Variants in IDH3A observed in about 807,000 individuals in gnomAD.
IDH3A encodes the protein isocitrate dehydrogenase (NAD(+)) 3 catalytic subunit alpha.
A neutral mutation model predicts 43.3 loss-of-function variants in IDH3A; 23 were observed. The ratio of observed to expected loss-of-function variants is 0.53; its 90% CI spans 0.38 to 0.75. The LOEUF (loss-of-function observed/expected upper bound fraction) is 0.75. IDH3A is among the 30% of genes least tolerant of loss of function. The pLI is 0.00. For missense variants in IDH3A, 329 were observed against 474.4 expected (o/e 0.69, Z 2.85); for synonymous variants, 154 against 163.5 (o/e 0.94, Z 0.44).
intron 2 of IDH3A, chr15:78,157,203 G>T (rs1447050712): frequency 1.2e-5 from 13 of 1,107,024 alleles, no homozygotes; most frequent in Non-Finnish European, 1.5e-5. Flanking sequence ...GTTGTCTTTG[G>T]TTTAAAAGAT....
intron 2 of IDH3A, among the ~76,000 whole-genome samples, chr15:78,155,990 A>G (rs1326779729): frequency 6.6e-6 from 1 of 152,198 alleles, no homozygotes; most frequent in East Asian, 1.9e-4. Flanking sequence ...TTATAAGACC[A>G]TAGTACATTT....
In IDH3A at chr15:78,161,388, G is replaced by A. The variant is rs1354551671; in HGVS notation, c.290-193G>A. Among the ~76,000 whole-genome samples the A allele has an allele frequency of 6.6e-6, 1 of 152,204 alleles. No individual in the cohort carries two copies. The highest frequency in any genetic ancestry group is 1.5e-5 in the Non-Finnish European group (1 of 68,030). ...GATTACAATGCTTGATCCTCAGGAA[G>A]TTCTGAAGATAAGAAACGCAGTTAA... On this transcript the variant is annotated intron_variant, in intron 4 of 10. Transcript: ENST00000299518. The surrounding 1 kb of genome is among the most constrained non-coding windows in gnomAD (Gnocchi z 4.8).
Position 78,164,939 on chromosome 15 carries a change from G to A in IDH3A, c.780-53G>A, listed in dbSNP as rs975242316. The A allele has an allele frequency of 1.1e-5, 15 of 1,364,288 alleles. No individual in the cohort carries two copies. In the African/African-American group the frequency reaches 1.6e-4, roughly 14 times the overall value. The allele number at this position is 1,364,288 out of a possible 1,614,324, so 84.5% of individuals were successfully genotyped here. On this transcript the variant is annotated intron_variant, in intron 8 of 10. Transcript: ENST00000299518. ...ATTAAAAACTAAAATCTGGGTGCTA[G>A]GTGAGATGTTTTATTTTTAAAAACA... is the stretch of plus-strand genomic sequence containing the variant.
In IDH3A at chr15:78,171,543, G is replaced by A. The variant is rs373292255; in HGVS notation, c.*2538G>A. On this transcript the variant is annotated 3_prime_UTR_variant, in exon 11 of 11. Transcript: ENST00000299518. ...TCATCGTGGGACCTAAAAGGGAAAT[G>A]AGAAGAAATGAGTGAGGCCCAGGCT... The A allele has an allele frequency of 6.2e-7, 1 of 1,608,388 alleles. No individual in the cohort carries two copies. Among genetic ancestry groups the A allele is most frequent in the Non-Finnish European group, 8.5e-7 (1 of 1,174,790 alleles).
At chr15:78,157,490 T>A (rs1014434259) in intron 2 of IDH3A, 58 bp from the exon 3 acceptor site, 2 of 1,181,056 alleles carry the variant, frequency 1.7e-6, no homozygotes, top group Admixed American at 4.1e-5. Context: ...AATATTCTTT[T>A]TTAAGCCTTC....
At position 78,161,719 on chromosome 15, in the gene IDH3A, T is replaced by G; in HGVS notation, c.428T>G (p.Val143Gly). The G allele has an allele frequency of 6.2e-7, 1 of 1,614,186 alleles. No homozygotes were observed. The change falls in exon 5 of 11, where the codon GTG becomes GGG. Residue 143 changes from valine (V) to glycine (G), a missense_variant. Val to Gly is a moderately radical substitution (Grantham distance 109). Coordinates refer to ENST00000299518, the MANE Select transcript of IDH3A (RefSeq NM_005530.3). This position sits in a 1 kb window ranked among gnomAD's most constrained non-coding sequence, Gnocchi z 4.8. Reference sequence around the variant, plus strand: ...ACCCCTTACACCGATGTAAATATTGTGACCATTCGAGAGAACACAGAAGGA... The same window carrying G: ...ACCCCTTACACCGATGTAAATATTGGGACCATTCGAGAGAACACAGAAGGA... ...YKTPYTDVNI[V>G]TIRENTEGEY...
chr15:78,171,139 T>C lies in IDH3A; in HGVS notation c.*2134T>C. 1 of 220,910 alleles carries C rather than the reference T, an allele frequency of 4.5e-6. No individual in the cohort carries two copies. The allele number at this position is 220,910 out of a possible 1,614,324, so 13.7% of individuals were successfully genotyped here. Reference sequence around the variant, plus strand: ...TATGTGAGCTAGCAGCTTTTTAATCTACCTGGAACTAAGGCCAAAAATTAT... The same window carrying C: ...TATGTGAGCTAGCAGCTTTTTAATCCACCTGGAACTAAGGCCAAAAATTAT... On this transcript the variant is annotated 3_prime_UTR_variant, in exon 11 of 11. Coordinates refer to ENST00000299518, the MANE Select transcript of IDH3A (RefSeq NM_005530.3).
At chr15:78,160,653 C>T (rs989771595) in intron 4 of IDH3A, among the ~76,000 whole-genome samples, 1 of 151,982 alleles carries the variant, frequency 6.6e-6, no homozygotes, top group South Asian at 2.1e-4. Flanking sequence ...CCATGCCCAA[C>T]TAATTTTTTA....
Position 78,171,851 on chromosome 15 carries a change from A to C in IDH3A, c.*2846A>C, listed in dbSNP as rs2074826991. On this transcript the variant is annotated 3_prime_UTR_variant, in exon 11 of 11. Transcript: ENST00000299518. ...GTAAGCTACATCTGCCTTTTCCTTGACCTGTACCCAGTTTTGACCCTCAGT... is the reference window on the plus strand; with the variant it reads ...GTAAGCTACATCTGCCTTTTCCTTGCCCTGTACCCAGTTTTGACCCTCAGT... The C allele has an allele frequency of 5.5e-6, 1 of 181,298 alleles. No homozygotes were observed. The allele number at this position is 181,298 out of a possible 1,614,324, so 11.2% of individuals were successfully genotyped here. A position where few individuals can be genotyped will look rare whatever the true frequency, so the allele number is the denominator to read the frequency against.
chr15:78,154,321 CAGA>C (rs1256877165), intron 1 of IDH3A: 1 of 151,970 alleles, frequency 6.6e-6, no homozygotes, highest in East Asian at 1.9e-4. Flanking sequence ...CCTATATTAT[CAGA>C]AGAAGCAGTA....
chr15:78,162,497 C>A, intron 6 of IDH3A, 130 bp downstream of exon 6: 4 of 907,702 alleles, frequency 4.4e-6, no homozygotes, highest in Non-Finnish European at 6.6e-6. Context: ...TGTAACAATC[C>A]AAAGATACGG....
At chr15:78,163,471 CT>C (rs201061832) in intron 6 of IDH3A, 35 bp from the exon 7 acceptor site, 24 of 1,429,080 alleles carry the variant, frequency 1.7e-5, no homozygotes, top group African/African-American at 2.8e-5. Context: ...TTCTGTAAGA[CT>C]TTTTTTTCAG....
At position 78,160,190 on chromosome 15, in the gene IDH3A, C is replaced by G. The variant is rs1402641157; in HGVS notation, c.273C>G (p.Asn91Lys). 1.9e-6 allele frequency: 3 copies of G among 1,599,124 alleles called. No individual in the cohort carries two copies. The South Asian group carries it at 3.3e-5, about 18-fold the overall frequency. Residue 91 changes from asparagine (N) to lysine (K), a missense_variant, in exon 4 of 11, where the codon AAC (asparagine) becomes AAG (lysine). Physicochemically the swap from Asn to Lys is moderately conservative, Grantham distance 94. Coordinates refer to ENST00000299518, the MANE Select transcript of IDH3A (RefSeq NM_005530.3). ...AGGCTAAAGAGTCCATGGATAAGAA[C>G]AAGATGGGCTTGAAAGGTAGCACTG... ...PSEAKESMDK[N>K]KMGLKGPLKT...
At position 78,157,298 on chromosome 15, in the gene IDH3A, T is replaced by C. The variant is rs546990278; in HGVS notation, c.91-250T>C. The C allele has an allele frequency of 4.9e-4, 360 of 738,166 alleles. No individual in the cohort carries two copies. In the African/African-American group the frequency reaches 6.1e-3, roughly 13 times the overall value. The allele number at this position is 738,166 out of a possible 1,614,324, so 45.7% of individuals were successfully genotyped here. On this transcript the variant is annotated intron_variant, in intron 2 of 10. Transcript: ENST00000299518. ...TTGGTAGTTTAATTTATTTTCGTTT[T>C]ATGTAAAGAGTATCATTTGGTTCTT...
At chr15:78,158,639 G>A (rs898446690) in intron 3 of IDH3A, among the ~76,000 whole-genome samples, 31 of 149,788 alleles carry the variant, frequency 2.1e-4, no homozygotes, top group Non-Finnish European at 4.0e-4. Context: ...ACCACGCCTG[G>A]CTAATTTTTT....
At chr15:78,154,461 G>A (rs2074608183) in intron 1 of IDH3A, 2 of 152,216 alleles carry the variant, frequency 1.3e-5, no homozygotes, top group African/African-American at 4.8e-5. Flanking sequence ...AATTGAAGGA[G>A]CACTGGACCA....
intron 3 of IDH3A, among the ~76,000 whole-genome samples, chr15:78,158,463 A>ATTTTTT (rs67298643): frequency 4.5e-5 from 3 of 67,378 alleles, no homozygotes; most frequent in Non-Finnish European, 5.9e-5. Flanking sequence ...ATATATATAT[A>ATTTTTT]TTTTTTTTTT....
chr15:78,165,487 C>T (rs2074729342), intron 9 of IDH3A, among the ~76,000 whole-genome samples: 1 of 152,018 alleles, frequency 6.6e-6, no homozygotes, highest in African/African-American at 2.4e-5. Flanking sequence ...CCATTGCACC[C>T]AGCCTATGTT....
At chr15:78,160,523 G>T (rs1377707642) in intron 4 of IDH3A, among the ~76,000 whole-genome samples, 1 of 151,842 alleles carries the variant, frequency 6.6e-6, no homozygotes, top group African/African-American at 2.4e-5. Flanking sequence ...ACAGAGTCTC[G>T]CTCTGTTGCC....
Sources: gnomAD v4.1 joint callset for allele counts (sites outside exome capture counted in the v4.1 genomes callset) on GRCh38, gnomAD v4.1.1 for gene constraint, Gnocchi (gnomAD v3.1) non-coding constraint, MANE v1.5 for transcripts, NCBI Gene and HGNC (gene_info 2026-07-23, HGNC 2026-07-21) for gene names.